Variants in GRID2 observed in about 807,000 individuals in gnomAD.
GRID2 encodes glutamate ionotropic receptor delta type subunit 2, also known as glutamate receptor ionotropic, delta-2.
Under a neutral mutation model 114.8 loss-of-function variants are expected in GRID2, and 33 were observed. That is an observed-to-expected ratio of 0.29 (90% confidence interval 0.22 to 0.38). GRID2 has a LOEUF of 0.38. Ranked by LOEUF, GRID2 falls within the 10% of genes least tolerant of loss-of-function variation. The probability of loss-of-function intolerance (pLI) is 1.00; values close to 1 mark genes in which losing one functional copy is unlikely to be tolerated. For synonymous variants in GRID2, 505 were observed against 449.9 expected (o/e 1.12, Z -1.55); for missense variants, 1,184 against 1,257.7 (o/e 0.94, Z 0.89).
At chr4:92,735,407 G>C in intron 2 of GRID2, among the ~76,000 whole-genome samples, 1 of 151,990 alleles carries the variant, frequency 6.6e-6, no homozygotes, top group East Asian at 1.9e-4. Flanking sequence ...TGTAATAAAA[G>C]GTATGTGAAT....
intron 14 of GRID2, among the ~76,000 whole-genome samples, chr4:93,628,914 C>T (rs540713781): frequency 1.8e-4 from 27 of 151,794 alleles, no homozygotes; most frequent in Non-Finnish European, 3.7e-4. Flanking sequence ...TACACATGCA[C>T]GCCACCATAC....
At chr4:92,755,280 T>G (rs147695428) in intron 2 of GRID2, among the ~76,000 whole-genome samples, 237 of 152,326 alleles carry the variant, frequency 1.6e-3, no homozygotes, top group African/African-American at 5.6e-3. Context: ...AAAAAATAAC[T>G]TTTTTGGCAG....
intron 14 of GRID2, among the ~76,000 whole-genome samples, chr4:93,727,421 C>G (rs562765823): frequency 1.3e-5 from 2 of 152,284 alleles, no homozygotes; most frequent in East Asian, 3.9e-4. Flanking sequence ...CATCAATGTT[C>G]ATCGAGGATA....
At chr4:93,778,117 T>C (rs1734402296), downstream of GRID2, among the ~76,000 whole-genome samples, 1 of 152,154 alleles carries the variant, frequency 6.6e-6, no homozygotes, top group Non-Finnish European at 1.5e-5. Context: ...TAAAATAAGA[T>C]TCAATTTACA....
At chr4:93,614,795 T>G (rs1376383343) in intron 13 of GRID2, among the ~76,000 whole-genome samples, 1 of 152,178 alleles carries the variant, frequency 6.6e-6, no homozygotes, top group Non-Finnish European at 1.5e-5. Flanking sequence ...CATATAAGTG[T>G]GAAACTTTTT....
intron 1 of GRID2, among the ~76,000 whole-genome samples, chr4:92,530,684 G>A (rs985306664): frequency 2.0e-5 from 3 of 148,916 alleles, no homozygotes; most frequent in Admixed American, 6.8e-5. Flanking sequence ...GGCAGATCAC[G>A]AAGTCAGGAG....
At chr4:93,612,112 T>C (rs949634025) in intron 13 of GRID2, among the ~76,000 whole-genome samples, 4 of 152,136 alleles carry the variant, frequency 2.6e-5, no homozygotes, top group South Asian at 4.2e-4. Flanking sequence ...AAGTCTGTTT[T>C]ATCAGAGACT....
At chr4:92,666,386 C>G (rs1452957728) in intron 2 of GRID2, among the ~76,000 whole-genome samples, 1 of 151,436 alleles carries the variant, frequency 6.6e-6, no homozygotes. Context: ...TCTAGTAGAT[C>G]TACTATCAGG....
chr4:93,238,296 A>T (rs1747037561), intron 7 of GRID2, 75 bp from the exon 8 acceptor site: 5 of 1,076,398 alleles, frequency 4.6e-6, no homozygotes, highest in Non-Finnish European at 6.7e-6. Context: ...TAGAGTTCCT[A>T]GAAGTTCCTT....
intron 8 of GRID2, among the ~76,000 whole-genome samples, chr4:93,367,495 A>G (rs1762455531): frequency 1.3e-5 from 2 of 152,198 alleles, no homozygotes; most frequent in South Asian, 2.1e-4. Context: ...TATTGTGAAA[A>G]TTACCACATC....
At chr4:93,057,136 T>C (rs1268756914) in intron 2 of GRID2, among the ~76,000 whole-genome samples, 1 of 148,162 alleles carries the variant, frequency 6.7e-6, no homozygotes, top group Non-Finnish European at 1.5e-5. Flanking sequence ...GAAAAGTGAC[T>C]GAAGTGTGTG....
At chr4:92,670,215 A>G (rs1213532355) in intron 2 of GRID2, among the ~76,000 whole-genome samples, 1 of 152,072 alleles carries the variant, frequency 6.6e-6, no homozygotes, top group Non-Finnish European at 1.5e-5. Flanking sequence ...TGGAATTTTC[A>G]ATTAGAATAT....
chr4:93,626,056 T>G (rs1292305350), intron 13 of GRID2, among the ~76,000 whole-genome samples: 3 of 152,214 alleles, frequency 2.0e-5, no homozygotes, highest in Admixed American at 1.3e-4. Context: ...GCAAATACTA[T>G]GACATTTTAT....
In GRID2 at chr4:92,304,215, T is replaced by A. The variant is rs931358899; in HGVS notation, c.-442T>A. ...CGGGCTGTAGGGGCGGGGGCGGGGGTCTTTTTTGGTCCGAGAGGGTGCGGG... is the reference window on the plus strand; with the variant it reads ...CGGGCTGTAGGGGCGGGGGCGGGGGACTTTTTTGGTCCGAGAGGGTGCGGG... On this transcript the variant is annotated 5_prime_UTR_variant, in exon 1 of 16. Coordinates refer to ENST00000282020, the MANE Select transcript of GRID2 (RefSeq NM_001510.4). 5.9e-6 allele frequency: 1 copy of A among 168,696 alleles called. No individual in the cohort carries two copies. The highest frequency in any genetic ancestry group is 1.2e-5 in the Non-Finnish European group (1 of 80,614). The allele number at this position is 168,696 out of a possible 1,614,324, so 10.4% of individuals were successfully genotyped here.
chr4:93,797,980 C>T (rs1734841097), intron 1 of GRID2, among the ~76,000 whole-genome samples: 1 of 151,896 alleles, frequency 6.6e-6, no homozygotes. Flanking sequence ...TGTCAAAACC[C>T]CGTCTCTACT....
intron 2 of GRID2, among the ~76,000 whole-genome samples, chr4:92,708,106 C>T (rs952232795): frequency 6.6e-6 from 1 of 151,958 alleles, no homozygotes; most frequent in African/African-American, 2.4e-5. Context: ...AGAAAGGTGC[C>T]CATGAAAATG....
At chr4:93,750,881 T>A (rs1732266946) in intron 14 of GRID2, among the ~76,000 whole-genome samples, 1 of 152,172 alleles carries the variant, frequency 6.6e-6, no homozygotes, top group Admixed American at 6.5e-5. Flanking sequence ...ATCTTCTCAA[T>A]AAGGATGAAA....
In GRID2 at chr4:92,846,206, G is replaced by T. The variant is rs1578294047; in HGVS notation, c.245-238789G>T. On this transcript the variant is annotated intron_variant, in intron 2 of 15. Transcript: ENST00000282020. Reference sequence around the variant, plus strand: ...TTTAGGTTCAGGGGCTACATATGCAGGTTTGTTACATGGTATATCGTGTGA... The same window carrying T: ...TTTAGGTTCAGGGGCTACATATGCATGTTTGTTACATGGTATATCGTGTGA... 2.6e-5 allele frequency among the ~76,000 whole-genome samples: 4 copies of T among 152,060 alleles called. No homozygotes were observed. In the South Asian group the frequency reaches 8.3e-4, roughly 32 times the overall value.
At chr4:92,550,276 T>G (rs1439333219) in intron 1 of GRID2, among the ~76,000 whole-genome samples, 1 of 152,148 alleles carries the variant, frequency 6.6e-6, no homozygotes, top group Non-Finnish European at 1.5e-5. Flanking sequence ...TGTAGAGTAT[T>G]TATTAACTAT....
Sources: gnomAD v4.1 joint callset for allele counts (sites outside exome capture counted in the v4.1 genomes callset) on GRCh38, gnomAD v4.1.1 for gene constraint, MANE v1.5 for transcripts, NCBI Gene and HGNC (gene_info 2026-07-23, HGNC 2026-07-21) for gene names.